The following CAMTA1 variants were observed in gnomAD, a reference collection of about 807,000 sequenced individuals.
CAMTA1 encodes calmodulin binding transcription activator 1.
CAMTA1 carries 27 observed loss-of-function variants against 170.9 expected under a neutral mutation model. The ratio of observed to expected loss-of-function variants is 0.16; its 90% CI spans 0.12 to 0.22. CAMTA1 has a LOEUF of 0.22. Ranked by LOEUF, CAMTA1 falls within the 10% of genes least tolerant of loss-of-function variation. CAMTA1 has a pLI of 1.00. For missense variants in CAMTA1, 1,619 were observed against 2,217.2 expected, an observed-to-expected ratio of 0.73 and a Z score of 5.42; for synonymous variants, 833 against 891.5, an observed-to-expected ratio of 0.93 and a Z score of 1.17.
At chr1:7,531,806 G>T (rs2094495448) in intron 6 of CAMTA1, among the ~76,000 whole-genome samples, 1 of 152,226 alleles carries the variant, frequency 6.6e-6, no homozygotes, top group African/African-American at 2.4e-5. Flanking sequence ...CAGAGCGGCT[G>T]AGACTTCAGA....
intron 3 of CAMTA1, among the ~76,000 whole-genome samples, chr1:7,086,859 C>T (rs113989971): frequency 3.9e-5 from 6 of 152,318 alleles, no homozygotes; most frequent in East Asian, 1.9e-4. Flanking sequence ...CTACTGTGAG[C>T]GATGCTACTG....
At position 7,482,536 on chromosome 1, in the gene CAMTA1, G is replaced by T. The variant is rs2093555010; in HGVS notation, c.510+14635G>T. Among the ~76,000 whole-genome samples the T allele has an allele frequency of 6.6e-6, 1 of 152,178 alleles. No homozygotes were observed. Among genetic ancestry groups the T allele is most frequent in the Non-Finnish European group, 1.5e-5 (1 of 68,044 alleles). The stretch of plus-strand genomic sequence containing the variant: ...AGAGGGAGAAGACATGCTCTTTAGA[G>T]ATACAGTTTAAACTGGCCTTAGCTT... On this transcript the variant is annotated intron_variant, in intron 6 of 22. Transcript: ENST00000303635. This position sits in a 1 kb window ranked among gnomAD's most constrained non-coding sequence, Gnocchi z 4.2.
At chr1:6,820,666 A>G (rs1044304562) in intron 2 of CAMTA1, among the ~76,000 whole-genome samples, 3 of 152,092 alleles carry the variant, frequency 2.0e-5, no homozygotes, top group Admixed American at 6.5e-5. Flanking sequence ...TCTGAGCCTC[A>G]TGTTCCTCCT....
At chr1:7,274,580 A>G (rs1670308602) in intron 5 of CAMTA1, among the ~76,000 whole-genome samples, 1 of 152,228 alleles carries the variant, frequency 6.6e-6, no homozygotes, top group African/African-American at 2.4e-5. Flanking sequence ...ACACTATCAA[A>G]CAACTCGATC....
intron 3 of CAMTA1, among the ~76,000 whole-genome samples, chr1:6,858,295 TA>T (rs1464646953): frequency 6.6e-6 from 1 of 152,212 alleles, no homozygotes; most frequent in African/African-American, 2.4e-5. Flanking sequence ...TAATATAGTT[TA>T]CAGAACTACT....
chr1:7,722,753 AACAC>A (rs1304605559), intron 11 of CAMTA1, among the ~76,000 whole-genome samples: 12 of 152,234 alleles, frequency 7.9e-5, no homozygotes, highest in South Asian at 6.2e-4. Flanking sequence ...ACAGCTAGGT[AACAC>A]ACACAGTTAC....
At chr1:7,454,852 C>T (rs1185153661) in intron 5 of CAMTA1, among the ~76,000 whole-genome samples, 1 of 152,062 alleles carries the variant, frequency 6.6e-6, no homozygotes. Context: ...CTCCTCTGCC[C>T]GAGATCCCAG....
intron 5 of CAMTA1, among the ~76,000 whole-genome samples, chr1:7,328,456 C>T (rs2149725505): frequency 6.6e-6 from 1 of 152,254 alleles, no homozygotes; most frequent in East Asian, 1.9e-4. Context: ...GATCCTGTCA[C>T]TGCACTCCAG....
intron 6 of CAMTA1, among the ~76,000 whole-genome samples, chr1:7,477,285 A>T (rs752574792): frequency 6.6e-6 from 1 of 151,902 alleles, no homozygotes; most frequent in East Asian, 1.9e-4. Flanking sequence ...TGGAAAAGAG[A>T]GTTGAGGATG....
chr1:6,999,067 G>C (rs1450646688), intron 3 of CAMTA1, among the ~76,000 whole-genome samples: 4 of 152,122 alleles, frequency 2.6e-5, no homozygotes, highest in Non-Finnish European at 5.9e-5. Context: ...ACAAAACAAA[G>C]CAATTATGTT....
chr1:7,578,936 C>T (rs779302098), intron 6 of CAMTA1, among the ~76,000 whole-genome samples: 3 of 152,214 alleles, frequency 2.0e-5, no homozygotes, highest in Non-Finnish European at 2.9e-5. Context: ...ATTCAACCCA[C>T]AGCTGTGGCA....
At position 7,561,371 on chromosome 1, in the gene CAMTA1, C is replaced by T. The variant is rs74055138; in HGVS notation, c.511-79029C>T. On this transcript the variant is annotated intron_variant, in intron 6 of 22. Transcript: ENST00000303635. The surrounding 1 kb of genome is among the most constrained non-coding windows in gnomAD (Gnocchi z 5.3). ...ACAGAGGGACAGGCAGAGAGGCCGG[C>T]GGGCAGCAGGCCAATGGGCCAGGCA... Among the ~76,000 whole-genome samples the T allele has an allele frequency of 7.9e-3, 1,200 of 151,844 alleles. 15 individuals are homozygous for T. Among genetic ancestry groups the T allele is most frequent in the African/African-American group, 0.026 (1,092 of 41,402 alleles).
intron 6 of CAMTA1, among the ~76,000 whole-genome samples, chr1:7,536,014 T>G (rs1157319547): frequency 1.3e-5 from 2 of 152,240 alleles, no homozygotes; most frequent in Admixed American, 1.3e-4. Context: ...CTGATGCTAA[T>G]AACCTTAATT....
intron 4 of CAMTA1, among the ~76,000 whole-genome samples, chr1:7,233,736 C>T (rs57256037): frequency 0.031 from 4,685 of 152,226 alleles, 179 homozygotes; most frequent in African/African-American, 0.09. Flanking sequence ...TCGGAATTCT[C>T]GGAGGATCCA....
chr1:6,868,379 A>G (rs1320278121), intron 3 of CAMTA1, among the ~76,000 whole-genome samples: 1 of 151,646 alleles, frequency 6.6e-6, no homozygotes, highest in Non-Finnish European at 1.5e-5. Flanking sequence ...TTAAAAAACG[A>G]CTGTATAGGG....
chr1:7,070,697 A>G (rs1388875825), intron 3 of CAMTA1, among the ~76,000 whole-genome samples: 1 of 152,040 alleles, frequency 6.6e-6, no homozygotes, highest in East Asian at 1.9e-4. Flanking sequence ...ATCTCTGGGC[A>G]GGGTGGGTTA....
At chr1:6,814,178 C>CT (rs1645515710) in intron 1 of CAMTA1, among the ~76,000 whole-genome samples, 1 of 152,046 alleles carries the variant, frequency 6.6e-6, no homozygotes, top group Admixed American at 6.5e-5. Flanking sequence ...CCCGAATGGC[C>CT]TTAGGGATTG....
intron 3 of CAMTA1, 71 bp downstream of exon 3, chr1:6,825,281 C>T (rs1182555909): frequency 1.4e-6 from 1 of 707,150 alleles, no homozygotes; most frequent in Non-Finnish European, 2.5e-6. Context: ...TCACATAGTC[C>T]TACTTTATGT....
chr1:6,823,853 A>G (rs1262794680), intron 2 of CAMTA1, among the ~76,000 whole-genome samples: 2 of 152,202 alleles, frequency 1.3e-5, no homozygotes, highest in African/African-American at 4.8e-5. Context: ...CTGTATACTT[A>G]TGTAAGGTTG....
Sources: gnomAD v4.1 joint callset for allele counts (sites outside exome capture counted in the v4.1 genomes callset) on GRCh38, gnomAD v4.1.1 for gene constraint, Gnocchi (gnomAD v3.1) non-coding constraint, MANE v1.5 for transcripts, NCBI Gene and HGNC (gene_info 2026-07-23, HGNC 2026-07-21) for gene names.